The following SPOCK3 variants were observed in gnomAD, a reference collection of about 807,000 sequenced individuals.
SPOCK3 encodes testican-3.
In SPOCK3, 30 loss-of-function variants were observed where a neutral mutation model predicts 56.6. The ratio of observed to expected loss-of-function variants is 0.53; its 90% CI spans 0.40 to 0.72. SPOCK3 has a LOEUF of 0.72. Ranked by LOEUF, SPOCK3 falls within the 30% of genes least tolerant of loss-of-function variation. The pLI is 0.00. For synonymous variants in SPOCK3, 196 were observed against 183.3 expected (o/e 1.07, Z -0.56); for missense variants, 527 against 530.0 (o/e 0.99, Z 0.06).
intron 6 of SPOCK3, among the ~76,000 whole-genome samples, chr4:166,850,204 G>A (rs1355368847): frequency 6.6e-6 from 1 of 152,120 alleles, no homozygotes; most frequent in African/African-American, 2.4e-5. Context: ...CCCATCAACT[G>A]TACACAAGGG....
Position 166,952,357 on chromosome 4 carries a change from C to T in SPOCK3, c.351-39614G>A, listed in dbSNP as rs62355385. On this transcript the variant is annotated intron_variant, in intron 4 of 10. Coordinates refer to ENST00000357545, the MANE Select transcript of SPOCK3 (RefSeq NM_001040159.2). Reference sequence around the variant, plus strand: ...AATTGCTTCAAAGTGAATAAAATACCTAGGAATCCACCTTACAAGGGACGT... The same window carrying T: ...AATTGCTTCAAAGTGAATAAAATACTTAGGAATCCACCTTACAAGGGACGT... Among the ~76,000 whole-genome samples, 1,247 of 152,190 alleles carry T rather than the reference C, an allele frequency of 8.2e-3. 8 individuals are homozygous for T. Among genetic ancestry groups the T allele is most frequent in the Non-Finnish European group, 0.011 (740 of 67,994 alleles).
intron 6 of SPOCK3, among the ~76,000 whole-genome samples, chr4:166,801,717 AATTT>A (rs886450261): frequency 6.4e-4 from 97 of 152,326 alleles, no homozygotes; most frequent in African/African-American, 1.9e-3. Flanking sequence ...TTTTATTTAT[AATTT>A]ATTTATGAAT....
intron 3 of SPOCK3, among the ~76,000 whole-genome samples, chr4:167,012,057 A>G (rs1750127617): frequency 6.6e-6 from 1 of 152,008 alleles, no homozygotes; most frequent in Non-Finnish European, 1.5e-5. Flanking sequence ...GGATGAATAA[A>G]TTAAAAAACT....
At chr4:166,833,626 A>G (rs1276479338) in intron 6 of SPOCK3, among the ~76,000 whole-genome samples, 1 of 152,204 alleles carries the variant, frequency 6.6e-6, no homozygotes, top group Non-Finnish European at 1.5e-5. Context: ...TGCTCATTAC[A>G]TTCTATTTGC....
intron 7 of SPOCK3, among the ~76,000 whole-genome samples, chr4:166,763,273 T>G (rs1007016191): frequency 6.6e-6 from 1 of 151,948 alleles, no homozygotes; most frequent in African/African-American, 2.4e-5. Flanking sequence ...TCTAAAGTAC[T>G]CAAACAAAGA....
intron 6 of SPOCK3, among the ~76,000 whole-genome samples, chr4:166,840,382 T>A (rs554958305): frequency 6.6e-6 from 1 of 152,210 alleles, no homozygotes; most frequent in Admixed American, 6.5e-5. Flanking sequence ...TAAAATCTTA[T>A]TTAGATGCAA....
At position 167,025,727 on chromosome 4, in the gene SPOCK3, T is replaced by A. The variant is rs190590709; in HGVS notation, c.236-25264A>T. Among the ~76,000 whole-genome samples, 936 of 152,214 alleles carry A rather than the reference T, an allele frequency of 6.1e-3. 11 individuals are homozygous for A. Among genetic ancestry groups the A allele is most frequent in the Non-Finnish European group, 6.3e-3 (428 of 67,988 alleles). On this transcript the variant is annotated intron_variant, in intron 3 of 10. Transcript: ENST00000357545. ...TGTTTTTTAATTATAGTTACCTCTT[T>A]AATCATTCTTACATTTTAAAAACAC...
At chr4:166,771,012 C>CTA (rs527902462) in intron 7 of SPOCK3, among the ~76,000 whole-genome samples, 227 of 148,984 alleles carry the variant, frequency 1.5e-3, no homozygotes, top group African/African-American at 5.3e-3. Flanking sequence ...ATATACAATG[C>CTA]TATATATATT....
At chr4:167,172,764 A>G (rs1249838869) in intron 2 of SPOCK3, among the ~76,000 whole-genome samples, 1 of 152,056 alleles carries the variant, frequency 6.6e-6, no homozygotes, top group South Asian at 2.1e-4. Context: ...GTGTGTGTGT[A>G]TATGTATATG....
chr4:166,841,912 A>C (rs933999664), intron 6 of SPOCK3, among the ~76,000 whole-genome samples: 1 of 152,140 alleles, frequency 6.6e-6, no homozygotes, highest in Non-Finnish European at 1.5e-5. Context: ...ACAGTTTTTA[A>C]AGATGGTGTG....
At chr4:167,197,888 C>A (rs1361570740) in intron 2 of SPOCK3, among the ~76,000 whole-genome samples, 3 of 152,180 alleles carry the variant, frequency 2.0e-5, no homozygotes, top group Admixed American at 2.0e-4. Context: ...GGCAAGCCTG[C>A]AGAAGACACC....
At chr4:166,950,557 A>G (rs1182221559) in intron 4 of SPOCK3, among the ~76,000 whole-genome samples, 3 of 151,948 alleles carry the variant, frequency 2.0e-5, no homozygotes, top group Non-Finnish European at 4.4e-5. Context: ...ATACCCAGGA[A>G]TTGAACTCAG....
chr4:166,905,046 C>A (rs2127070417), intron 5 of SPOCK3, among the ~76,000 whole-genome samples: 1 of 151,928 alleles, frequency 6.6e-6, no homozygotes, highest in East Asian at 1.9e-4. Flanking sequence ...CATGGGCTTC[C>A]TTTTCTTTAT....
intron 2 of SPOCK3, among the ~76,000 whole-genome samples, chr4:167,084,275 A>C (rs1156403457): frequency 1.3e-5 from 2 of 152,128 alleles, no homozygotes; most frequent in African/African-American, 4.8e-5. Context: ...AATCTCTGTC[A>C]ACCTCCAAAC....
intron 5 of SPOCK3, among the ~76,000 whole-genome samples, chr4:166,902,972 T>TA (rs1174667363): frequency 1.3e-5 from 2 of 150,682 alleles, no homozygotes; most frequent in East Asian, 1.9e-4. Context: ...TTTAAGTATT[T>TA]AAAATACAAA....
chr4:166,940,268 C>T (rs1740894235), intron 4 of SPOCK3, among the ~76,000 whole-genome samples: 1 of 152,074 alleles, frequency 6.6e-6, no homozygotes, highest in Non-Finnish European at 1.5e-5. Flanking sequence ...GAGTATGAGC[C>T]TAGATTACAA....
intron 6 of SPOCK3, among the ~76,000 whole-genome samples, chr4:166,809,444 C>T (rs1267363328): frequency 6.6e-6 from 1 of 151,926 alleles, no homozygotes; most frequent in Non-Finnish European, 1.5e-5. Flanking sequence ...TGATTAACAT[C>T]ATCCTATGGC....
At chr4:166,928,708 C>T (rs1365451659) in intron 4 of SPOCK3, among the ~76,000 whole-genome samples, 2 of 152,132 alleles carry the variant, frequency 1.3e-5, no homozygotes, top group African/African-American at 2.4e-5. Flanking sequence ...CGGTGGCTCA[C>T]GCCTGTAATC....
chr4:167,221,353 G>A (rs1735897700), intron 2 of SPOCK3, among the ~76,000 whole-genome samples: 1 of 152,054 alleles, frequency 6.6e-6, no homozygotes, highest in Admixed American at 6.6e-5. Flanking sequence ...GGGCAACAGA[G>A]CAAATTGCTG....
Sources: allele counts gnomAD v4.1 joint callset (sites outside exome capture counted in the v4.1 genomes callset), GRCh38; gene constraint gnomAD v4.1.1; transcripts MANE v1.5; gene names NCBI Gene and HGNC (gene_info 2026-07-23, HGNC 2026-07-21).